DTNB: variants seen among roughly 807,000 people sequenced by gnomAD.
DTNB encodes DTN-B.
In DTNB, 63 loss-of-function variants were observed where a neutral mutation model predicts 90.7. The observed-to-expected ratio is 0.69, with a 90% confidence interval of 0.57 to 0.86. The LOEUF (loss-of-function observed/expected upper bound fraction) is 0.86, where lower values mean the gene tolerates loss of function less well. Ranked by LOEUF, DTNB falls within the 40% of genes least tolerant of loss-of-function variation. The pLI is 0.00. For synonymous variants in DTNB, 277 were observed against 286.7 expected, an observed-to-expected ratio of 0.97 and a Z score of 0.34; for missense variants, 744 against 807.1, an observed-to-expected ratio of 0.92 and a Z score of 0.95.
intron 5 of DTNB, among the ~76,000 whole-genome samples, chr2:25,596,777 T>C (rs1324101303): frequency 6.6e-6 from 1 of 152,222 alleles, no homozygotes; most frequent in Non-Finnish European, 1.5e-5. Flanking sequence ...ATTTATCTAA[T>C]GAGTTCCAAA....
intron 1 of DTNB, among the ~76,000 whole-genome samples, chr2:25,671,854 G>C (rs541263347): frequency 6.6e-6 from 1 of 152,314 alleles, no homozygotes; most frequent in Admixed American, 6.5e-5. Context: ...TGGAGCTCCA[G>C]AGTTCAGAGA....
intron 8 of DTNB, among the ~76,000 whole-genome samples, chr2:25,536,155 G>A (rs894092164): frequency 3.3e-5 from 5 of 150,578 alleles, no homozygotes; most frequent in African/African-American, 7.3e-5. Flanking sequence ...GGGCGGCCAC[G>A]CAGAGATGCT....
chr2:25,478,114 C>G (rs1413444653), intron 10 of DTNB, among the ~76,000 whole-genome samples: 1 of 151,422 alleles, frequency 6.6e-6, no homozygotes, highest in African/African-American at 2.4e-5. Flanking sequence ...CTATCTGTTA[C>G]TTTCCTTTTC....
chr2:25,559,970 C>A (rs753202056), intron 8 of DTNB, among the ~76,000 whole-genome samples: 1 of 152,200 alleles, frequency 6.6e-6, no homozygotes, highest in African/African-American at 2.4e-5. Context: ...AGGGGCCGGG[C>A]GTGGTGGGTG....
At chr2:25,422,029 A>G (rs1273821268) in intron 15 of DTNB, among the ~76,000 whole-genome samples, 2 of 152,226 alleles carry the variant, frequency 1.3e-5, no homozygotes, top group African/African-American at 4.8e-5. Flanking sequence ...TTATTCAGAT[A>G]AAGCCCTTAA....
chr2:25,483,002 A>AG (rs3839047), intron 9 of DTNB, 129 bp from the exon 10 acceptor site: 105 of 632,344 alleles, frequency 1.7e-4, no homozygotes, highest in East Asian at 2.8e-4. Flanking sequence ...ACCCATGGGG[A>AG]GGGGGGGGAC....
At chr2:25,416,934 A>G (rs2048143153) in intron 16 of DTNB, among the ~76,000 whole-genome samples, 1 of 152,220 alleles carries the variant, frequency 6.6e-6, no homozygotes, top group Non-Finnish European at 1.5e-5. Flanking sequence ...GGGATTAAAC[A>G]GAAGCTAGTT....
chr2:25,545,898 A>G (rs575337768), intron 8 of DTNB, among the ~76,000 whole-genome samples: 29 of 152,354 alleles, frequency 1.9e-4, no homozygotes, highest in Admixed American at 1.7e-3. Flanking sequence ...CTGGGATTAC[A>G]GGCATGAGCC....
At position 25,652,741 on chromosome 2, in the gene DTNB, G is replaced by A. The variant is rs558463682; in HGVS notation, c.-1-80C>T. The stretch of plus-strand genomic sequence containing the variant: ...GTGCTAATCATTCTATTGTGAAGAG[G>A]GACCGGAAACCAAGTTGCAAATGCA... On this transcript the variant is annotated intron_variant, in intron 1 of 20. Transcript: ENST00000406818. 15 of 1,459,482 alleles carry A rather than the reference G, an allele frequency of 1.0e-5. No homozygotes were observed. In the Admixed American group the frequency reaches 2.2e-4, roughly 22 times the overall value. 90.4% of individuals were successfully genotyped at this position (1,459,482 alleles called of 1,614,324 possible).
intron 16 of DTNB, among the ~76,000 whole-genome samples, chr2:25,392,392 A>C (rs1356094114): frequency 1.3e-5 from 2 of 152,252 alleles, no homozygotes; most frequent in Non-Finnish European, 2.9e-5. Context: ...CCTGGGCAAC[A>C]GAGTGAGACT....
At chr2:25,626,783 C>T (rs2074258664) in intron 4 of DTNB, among the ~76,000 whole-genome samples, 1 of 152,160 alleles carries the variant, frequency 6.6e-6, no homozygotes, top group South Asian at 2.1e-4. Context: ...TAGCATTTTA[C>T]AAATGTATGA....
At chr2:25,442,333 A>C (rs2057601732) in intron 12 of DTNB, among the ~76,000 whole-genome samples, 1 of 152,200 alleles carries the variant, frequency 6.6e-6, no homozygotes, top group Admixed American at 6.5e-5. Context: ...TCCCTAGTCC[A>C]GAAACGTTTC....
intron 1 of DTNB, among the ~76,000 whole-genome samples, chr2:25,659,555 AAG>A (rs1161765316): frequency 6.6e-6 from 1 of 151,758 alleles, no homozygotes; most frequent in Non-Finnish European, 1.5e-5. Flanking sequence ...TTACTAATGA[AAG>A]AGGGGAAGTT....
intron 10 of DTNB, among the ~76,000 whole-genome samples, chr2:25,475,618 T>C (rs1282827555): frequency 6.6e-6 from 1 of 152,210 alleles, no homozygotes; most frequent in Non-Finnish European, 1.5e-5. Context: ...TGAAACCGGC[T>C]TCTATCGGAA....
At chr2:25,381,636 A>C (rs541712309) in intron 19 of DTNB, among the ~76,000 whole-genome samples, 3 of 152,146 alleles carry the variant, frequency 2.0e-5, no homozygotes, top group African/African-American at 7.2e-5. Context: ...TCAGCCTCCT[A>C]AAGTGCTGGG....
rs536920108 is a variant in DTNB at position 25,588,501 on chromosome 2, G to A, written c.603+7585C>T. Among the ~76,000 whole-genome samples the A allele has an allele frequency of 9.2e-5, 14 of 152,244 alleles. 1 individual carries two copies. The highest frequency in any genetic ancestry group is 3.4e-4 in the African/African-American group (14 of 41,546). On this transcript the variant is annotated intron_variant, in intron 6 of 20. Coordinates refer to ENST00000406818, the MANE Select transcript of DTNB (RefSeq NM_021907.5). ...TGGCCTCAGCCTCCCAAGTAGCTGG[G>A]ACTACAGGCGCACGCACCACGCGCA...
intron 10 of DTNB, among the ~76,000 whole-genome samples, chr2:25,469,042 A>C (rs1268130966): frequency 1.3e-5 from 2 of 152,232 alleles, no homozygotes; most frequent in Non-Finnish European, 2.9e-5. Flanking sequence ...GTGATAAACA[A>C]ATGTAGCTCC....
intron 11 of DTNB, among the ~76,000 whole-genome samples, chr2:25,452,651 TA>T: frequency 6.6e-6 from 1 of 152,108 alleles, no homozygotes; most frequent in Non-Finnish European, 1.5e-5. Context: ...TTGTTATAAT[TA>T]CTGAGGGGAA....
At chr2:25,560,128 A>G (rs936194935) in intron 8 of DTNB, among the ~76,000 whole-genome samples, 2 of 152,230 alleles carry the variant, frequency 1.3e-5, no homozygotes, top group African/African-American at 4.8e-5. Flanking sequence ...GCATGCCTGT[A>G]ATCCCAGCTA....
Sources: allele counts gnomAD v4.1 joint callset (sites outside exome capture counted in the v4.1 genomes callset), GRCh38; gene constraint gnomAD v4.1.1; transcripts MANE v1.5; gene names NCBI Gene and HGNC (gene_info 2026-07-23, HGNC 2026-07-21).